PRKCA: variants seen among roughly 807,000 people sequenced by gnomAD.
The protein encoded by PRKCA is protein kinase C alpha type.
Under a neutral mutation model 87.0 loss-of-function variants are expected in PRKCA, and 27 were observed. The observed-to-expected ratio is 0.31, with a 90% CI of 0.23 to 0.43. The LOEUF is 0.43. Ranked by LOEUF, PRKCA falls within the 20% of genes least tolerant of loss-of-function variation. The pLI, the probability that PRKCA is intolerant of heterozygous loss-of-function variation, is 1.00. For synonymous variants in PRKCA, 329 were observed against 311.1 expected (o/e 1.06, Z -0.61); for missense variants, 518 against 852.3 (o/e 0.61, Z 4.88).
At chr17:66,765,424 A>G (rs7502839) in intron 13 of PRKCA, among the ~76,000 whole-genome samples, 2 of 122,696 alleles carry the variant, frequency 1.6e-5, no homozygotes, top group African/African-American at 6.6e-5. Context: ...TTGTCTATAT[A>G]TATATATATA....
chr17:66,398,422 C>A, intron 2 of PRKCA, among the ~76,000 whole-genome samples: 1 of 152,258 alleles, frequency 6.6e-6, no homozygotes, highest in Non-Finnish European at 1.5e-5. Flanking sequence ...CTTTAAACAT[C>A]TTAGGAGAAA....
At position 66,447,220 on chromosome 17, in the gene PRKCA, C is replaced by T. The variant is rs753771300; in HGVS notation, c.206-48981C>T. Among the ~76,000 whole-genome samples, 53 of 152,104 alleles carry T rather than the reference C, an allele frequency of 3.5e-4. 1 individual carries two copies. Among genetic ancestry groups the T allele is most frequent in the Non-Finnish European group, 1.3e-4 (9 of 68,034 alleles). ...AAGTGTCATACCATTAAGATGTATA[C>T]GGGATGGTGACAGAGTGAGAGAGGC... On this transcript the variant is annotated intron_variant, in intron 2 of 16. Transcript: ENST00000413366.
At chr17:66,434,999 C>T (rs187266805) in intron 2 of PRKCA, among the ~76,000 whole-genome samples, 9 of 152,266 alleles carry the variant, frequency 5.9e-5, no homozygotes, top group South Asian at 2.1e-4. Flanking sequence ...TTGGTTTGAT[C>T]GACATTTTCC....
chr17:66,576,906 G>C (rs778151649), intron 3 of PRKCA, among the ~76,000 whole-genome samples: 80 of 139,022 alleles, frequency 5.8e-4, no homozygotes, highest in Non-Finnish European at 1.1e-3. Context: ...ACAGGGTCTT[G>C]CTCTTTAACC....
At chr17:66,607,031 C>T (rs966510262) in intron 3 of PRKCA, among the ~76,000 whole-genome samples, 1 of 152,022 alleles carries the variant, frequency 6.6e-6, no homozygotes, top group Non-Finnish European at 1.5e-5. Flanking sequence ...TTTTTCATTT[C>T]TTATTTTGTA....
chr17:66,376,477 G>A (rs1909422069), intron 2 of PRKCA, among the ~76,000 whole-genome samples: 1 of 152,128 alleles, frequency 6.6e-6, no homozygotes, highest in South Asian at 2.1e-4. Context: ...GCATGGTGGT[G>A]GGCGCCTGTA....
intron 10 of PRKCA, among the ~76,000 whole-genome samples, chr17:66,737,517 T>C (rs1451196689): frequency 2.0e-5 from 3 of 152,256 alleles, no homozygotes; most frequent in Non-Finnish European, 2.9e-5. Context: ...CAACTGCCCA[T>C]TGATCAGAGA....
intron 2 of PRKCA, among the ~76,000 whole-genome samples, chr17:66,312,683 C>T (rs1905138443): frequency 6.7e-6 from 1 of 149,454 alleles, no homozygotes; most frequent in South Asian, 2.1e-4. Flanking sequence ...AGGTTTAGCT[C>T]TGGTCTTTCC....
intron 8 of PRKCA, among the ~76,000 whole-genome samples, chr17:66,712,406 C>T (rs79335760): frequency 6.6e-6 from 1 of 152,094 alleles, no homozygotes; most frequent in Non-Finnish European, 1.5e-5. Flanking sequence ...CTTTGTTATT[C>T]CAAAGAAACA....
intron 8 of PRKCA, among the ~76,000 whole-genome samples, chr17:66,715,330 T>C (rs142691733): frequency 6.6e-6 from 1 of 152,194 alleles, no homozygotes; most frequent in East Asian, 1.9e-4. Context: ...TTAGCTTCAA[T>C]TGGATTTTCC....
intron 8 of PRKCA, among the ~76,000 whole-genome samples, chr17:66,715,657 C>T (rs954345458): frequency 2.4e-4 from 36 of 152,204 alleles, no homozygotes; most frequent in African/African-American, 8.7e-4. Context: ...TCCGTTGGCA[C>T]TCTATAGTTC....
At position 66,463,384 on chromosome 17, in the gene PRKCA, T is replaced by G. The variant is rs1004991350; in HGVS notation, c.206-32817T>G. Among the ~76,000 whole-genome samples the G allele has an allele frequency of 5.0e-5, 6 of 120,002 alleles. No individual in the cohort carries two copies. The East Asian group carries it at 1.2e-3, about 23-fold the overall frequency. 78.7% of individuals were successfully genotyped at this position (120,002 alleles called of 152,430 possible). On this transcript the variant is annotated intron_variant, in intron 2 of 16. Transcript: ENST00000413366. Reference sequence around the variant, plus strand: ...GAAATTCTTAGCCTTGATTCTGTGTTTTTTTTTTTTTAAATTTTTTTATTT... The same window carrying G: ...GAAATTCTTAGCCTTGATTCTGTGTGTTTTTTTTTTTAAATTTTTTTATTT...
intron 2 of PRKCA, among the ~76,000 whole-genome samples, chr17:66,329,816 A>G (rs890403530): frequency 6.6e-6 from 1 of 152,182 alleles, no homozygotes; most frequent in African/African-American, 2.4e-5. Context: ...AGGATTGTTC[A>G]GTCAAACACA....
intron 8 of PRKCA, among the ~76,000 whole-genome samples, chr17:66,702,614 G>A (rs558842511): frequency 5.8e-4 from 88 of 152,280 alleles, no homozygotes; most frequent in African/African-American, 2.1e-3. Flanking sequence ...TGACAGATAT[G>A]TTAATTAGTT....
Position 66,804,270 on chromosome 17 carries a change from T to G in PRKCA, c.*233T>G. 2.1e-6 allele frequency: 1 copy of G among 487,508 alleles called. No individual in the cohort carries two copies. Among genetic ancestry groups the G allele is most frequent in the South Asian group, 5.1e-5 (1 of 19,570 alleles). The allele number at this position is 487,508 out of a possible 1,614,324, so 30.2% of individuals were successfully genotyped here. ...CGTCATGCTCAGTGTCCAGTTTAAT[T>G]CTGTAGAAGTTACGTCTGGCTCTAG... On this transcript the variant is annotated 3_prime_UTR_variant, in exon 17 of 17. Coordinates refer to ENST00000413366, the MANE Select transcript of PRKCA (RefSeq NM_002737.3).
intron 3 of PRKCA, among the ~76,000 whole-genome samples, chr17:66,592,338 C>T (rs68177376): frequency 0.36 from 27,189 of 76,226 alleles, 3,184 homozygotes; most frequent in South Asian, 0.46. Context: ...CTGGGTGATC[C>T]GTCTCAAAAA....
intron 11 of PRKCA, among the ~76,000 whole-genome samples, chr17:66,739,468 C>T (rs377662121): frequency 1.3e-5 from 2 of 152,142 alleles, no homozygotes; most frequent in African/African-American, 2.4e-5. Flanking sequence ...ACTGGGGTTG[C>T]GAAAGGAACG....
At chr17:66,411,242 CTTT>C (rs11296687) in intron 2 of PRKCA, among the ~76,000 whole-genome samples, 3 of 136,960 alleles carry the variant, frequency 2.2e-5, no homozygotes, top group African/African-American at 8.2e-5. Context: ...CAACATCTGG[CTTT>C]TTTTTTTTTT....
At chr17:66,350,510 G>T (rs1289772375) in intron 2 of PRKCA, among the ~76,000 whole-genome samples, 3 of 151,990 alleles carry the variant, frequency 2.0e-5, no homozygotes, top group African/African-American at 7.2e-5. Flanking sequence ...TGTGTTTGGG[G>T]CCAGTTTTAT....
Sources: gnomAD v4.1 joint callset for allele counts (sites outside exome capture counted in the v4.1 genomes callset) on GRCh38, gnomAD v4.1.1 for gene constraint, MANE v1.5 for transcripts, NCBI Gene and HGNC (gene_info 2026-07-23, HGNC 2026-07-21) for gene names.